Variants in GPHN observed in about 807,000 individuals in gnomAD.
The protein encoded by GPHN is gephyrin.
A neutral mutation model predicts 95.5 loss-of-function variants in GPHN; 17 were observed. The observed-to-expected ratio is 0.18, with a 90% CI of 0.12 to 0.27. The LOEUF is 0.27. Among genes scored for constraint, GPHN ranks in the 10% least tolerant of loss-of-function variants. The pLI, the probability that GPHN is intolerant of heterozygous loss-of-function variation, is 1.00. For missense variants in GPHN, 660 were observed against 978.1 expected (o/e 0.67, Z 4.34); for synonymous variants, 320 against 322.5 (o/e 0.99, Z 0.08).
chr14:66,516,494 T>C (rs975941160), intron 1 of GPHN, among the ~76,000 whole-genome samples: 3 of 152,192 alleles, frequency 2.0e-5, no homozygotes, highest in Non-Finnish European at 2.9e-5. Context: ...ATTTGTGATA[T>C]TACATCCAGT....
chr14:67,024,224 T>TCA (rs1290426079), intron 10 of GPHN, among the ~76,000 whole-genome samples: 1 of 152,216 alleles, frequency 6.6e-6, no homozygotes, highest in Non-Finnish European at 1.5e-5. Flanking sequence ...TAACTCTGTA[T>TCA]ATCATTCATT....
the GPHN span, among the ~76,000 whole-genome samples, chr14:67,194,038 C>A: frequency 6.7e-6 from 1 of 149,926 alleles, no homozygotes; most frequent in Admixed American, 6.6e-5. Context: ...AAGACATATA[C>A]CAAAACTTGA....
chr14:66,545,862 G>A (rs1423075205), intron 1 of GPHN, among the ~76,000 whole-genome samples: 1 of 150,960 alleles, frequency 6.6e-6, no homozygotes, highest in African/African-American at 2.4e-5. Flanking sequence ...CAGGCGGGGG[G>A]CTGACCCCCC....
the GPHN span, among the ~76,000 whole-genome samples, chr14:67,543,003 G>A: frequency 5.3e-5 from 8 of 152,298 alleles, 1 homozygote; most frequent in South Asian, 1.2e-3. Context: ...GAGCCACTGC[G>A]CTCAGCTGGA....
At chr14:67,541,967 A>G in the GPHN span, 5 of 1,607,530 alleles carry the variant, frequency 3.1e-6, no homozygotes, top group Non-Finnish European at 3.4e-6. Flanking sequence ...ACAGGCCAGC[A>G]AGATAAGGGA....
chr14:66,568,742 T>C (rs996595349), intron 1 of GPHN, among the ~76,000 whole-genome samples: 1 of 152,136 alleles, frequency 6.6e-6, no homozygotes, highest in Admixed American at 6.6e-5. Context: ...CATGTTTTCC[T>C]ACTTTTTATA....
chr14:66,821,429 T>A (rs2061185991), intron 3 of GPHN, among the ~76,000 whole-genome samples: 1 of 152,188 alleles, frequency 6.6e-6, no homozygotes, highest in South Asian at 2.1e-4. Flanking sequence ...CTGGTGCCAG[T>A]TCTCAGATCA....
At chr14:67,718,649 A>G in the GPHN span, among the ~76,000 whole-genome samples, 1 of 152,184 alleles carries the variant, frequency 6.6e-6, no homozygotes, top group Non-Finnish European at 1.5e-5. Context: ...CTTCAGGCCT[A>G]TTCCTACACT....
intron 9 of GPHN, among the ~76,000 whole-genome samples, chr14:66,986,219 A>T (rs1326236190): frequency 6.6e-6 from 1 of 152,122 alleles, no homozygotes; most frequent in Admixed American, 6.6e-5. Context: ...TATGTATTCA[A>T]TACACATAAT....
At chr14:67,053,198 A>G (rs2075390073) in intron 10 of GPHN, among the ~76,000 whole-genome samples, 1 of 149,732 alleles carries the variant, frequency 6.7e-6, no homozygotes, top group South Asian at 2.1e-4. Flanking sequence ...TTGGAAAAAA[A>G]AATTAATAAA....
chr14:67,732,126 CAAA>C, the GPHN span, among the ~76,000 whole-genome samples: 7 of 77,516 alleles, frequency 9.0e-5, no homozygotes, highest in East Asian at 3.9e-4. Context: ...GACTCTGTCT[CAAA>C]AAAAAAAAAA....
chr14:67,475,358 C>T, the GPHN span, among the ~76,000 whole-genome samples: 1 of 152,266 alleles, frequency 6.6e-6, no homozygotes, highest in East Asian at 1.9e-4. Context: ...CACGGGTGTA[C>T]AAAGGTCTGT....
chr14:67,282,579 CAG>C, the GPHN span, among the ~76,000 whole-genome samples: 1 of 151,984 alleles, frequency 6.6e-6, no homozygotes, highest in Non-Finnish European at 1.5e-5. Flanking sequence ...AGAAAATACT[CAG>C]AAAGGATGAA....
chr14:67,393,283 G>A, the GPHN span: 52 of 1,402,606 alleles, frequency 3.7e-5, no homozygotes, highest in Middle Eastern at 8.8e-4. Flanking sequence ...CCCTCATCAC[G>A]CGGGCAGGTA....
Position 67,120,146 on chromosome 14 carries a change from G to A in GPHN, c.1627-2110G>A, listed in dbSNP as rs2078938660. 2.0e-5 allele frequency among the ~76,000 whole-genome samples: 3 copies of A among 151,676 alleles called. No individual in the cohort carries two copies. In the South Asian group the frequency reaches 6.2e-4, roughly 32 times the overall value. ...ATCTCAAAAAAAAAAAAAAAGAGGT[G>A]GGAAGATAGTGGTACCATTGATAAT... On this transcript the variant is annotated intron_variant, in intron 16 of 22. Transcript: ENST00000478722.
At chr14:66,647,673 T>G (rs765270492) in intron 1 of GPHN, among the ~76,000 whole-genome samples, 1 of 152,060 alleles carries the variant, frequency 6.6e-6, no homozygotes, top group Non-Finnish European at 1.5e-5. Flanking sequence ...ATATAAGTTA[T>G]GTGAATGTGT....
At chr14:66,923,523 A>T (rs2066326614) in intron 7 of GPHN, among the ~76,000 whole-genome samples, 1 of 152,172 alleles carries the variant, frequency 6.6e-6, no homozygotes. Context: ...ATATCAAAGT[A>T]TTACAAATTC....
chr14:66,960,170 T>G (rs1317469064), intron 8 of GPHN, among the ~76,000 whole-genome samples: 1 of 151,944 alleles, frequency 6.6e-6, no homozygotes, highest in Non-Finnish European at 1.5e-5. Context: ...ATAGTTTCCT[T>G]TAGCTCTTTC....
At chr14:67,560,112 C>T in the GPHN span, among the ~76,000 whole-genome samples, 5 of 152,244 alleles carry the variant, frequency 3.3e-5, no homozygotes, top group Admixed American at 2.0e-4. Context: ...CCGCAACCTC[C>T]GCCTCCCGGG....
Sources: allele counts gnomAD v4.1 joint callset (sites outside exome capture counted in the v4.1 genomes callset), GRCh38; gene constraint gnomAD v4.1.1; transcripts MANE v1.5; gene names NCBI Gene and HGNC (gene_info 2026-07-23, HGNC 2026-07-21).